Variants in UGGT2 observed in about 807,000 individuals in gnomAD.
UGGT2 encodes the protein UDP-glucose:glycoprotein glucosyltransferase 2.
Under a neutral mutation model 192.1 loss-of-function variants are expected in UGGT2, and 180 were observed. The ratio of observed to expected loss-of-function variants is 0.94; its 90% CI spans 0.83 to 1.06. UGGT2 has a LOEUF of 1.06. UGGT2 is among the 50% of genes least tolerant of loss of function. UGGT2 has a pLI of 0.00. For missense variants in UGGT2, 1,849 were observed against 1,795.7 expected, an observed-to-expected ratio of 1.03 and a Z score of -0.54; for synonymous variants, 580 against 591.0, an observed-to-expected ratio of 0.98 and a Z score of 0.27.
At chr13:95,885,531 TA>T (rs1423603140) in intron 26 of UGGT2, among the ~76,000 whole-genome samples, 2 of 152,182 alleles carry the variant, frequency 1.3e-5, no homozygotes, top group African/African-American at 2.4e-5. Flanking sequence ...CAGTCTTTCA[TA>T]ACCTAATTGC....
intron 36 of UGGT2, among the ~76,000 whole-genome samples, chr13:95,841,123 A>G (rs1315792420): frequency 1.3e-5 from 2 of 152,146 alleles, no homozygotes; most frequent in Non-Finnish European, 2.9e-5. Context: ...CCTAGATGAC[A>G]GGTTGATAGG....
At chr13:95,827,044 T>G (rs139286647) in intron 38 of UGGT2, among the ~76,000 whole-genome samples, 170 of 152,228 alleles carry the variant, frequency 1.1e-3, no homozygotes, top group African/African-American at 3.9e-3. Flanking sequence ...ATCCTAATAT[T>G]GGAATTTAAT....
At chr13:96,028,078 A>G (rs1466587311) in intron 2 of UGGT2, among the ~76,000 whole-genome samples, 2 of 152,176 alleles carry the variant, frequency 1.3e-5, no homozygotes, top group African/African-American at 4.8e-5. Flanking sequence ...GCACTATTTT[A>G]TTCTCATTCT....
At chr13:95,929,999 CTTTTGG>C (rs1017302569) in intron 17 of UGGT2, among the ~76,000 whole-genome samples, 2 of 152,124 alleles carry the variant, frequency 1.3e-5, no homozygotes, top group Non-Finnish European at 2.9e-5. Context: ...ATGGTGTCTC[CTTTTGG>C]TTTTGATTTG....
chr13:96,025,742 T>C (rs1263625570), intron 2 of UGGT2, among the ~76,000 whole-genome samples: 1 of 151,846 alleles, frequency 6.6e-6, no homozygotes, highest in Non-Finnish European at 1.5e-5. Flanking sequence ...GACAAAAAGC[T>C]CAGAAATGAG....
chr13:95,964,310 A>ATCC (rs2050497864), intron 12 of UGGT2, among the ~76,000 whole-genome samples: 1 of 152,198 alleles, frequency 6.6e-6, no homozygotes, highest in Non-Finnish European at 1.5e-5. Context: ...CATGTACAGA[A>ATCC]ATCAACTCAA....
At chr13:95,957,913 G>C (rs1236858612) in intron 12 of UGGT2, among the ~76,000 whole-genome samples, 1 of 152,152 alleles carries the variant, frequency 6.6e-6, no homozygotes, top group Non-Finnish European at 1.5e-5. Context: ...TTTTAGAAAA[G>C]ACATCTGCTA....
chr13:95,965,389 C>T (rs770160851), intron 12 of UGGT2, among the ~76,000 whole-genome samples: 3,525 of 151,440 alleles, frequency 0.023, 49 homozygotes, highest in Non-Finnish European at 0.037. Context: ...GGCACATATA[C>T]ACCATGGAAT....
intron 26 of UGGT2, among the ~76,000 whole-genome samples, chr13:95,885,158 T>G (rs527634514): frequency 1.3e-5 from 2 of 152,372 alleles, no homozygotes; most frequent in South Asian, 4.1e-4. Flanking sequence ...AGGATTAAGT[T>G]GAAAGCAACT....
chr13:95,937,212 T>C, intron 16 of UGGT2, 124 bp from the exon 17 acceptor site: 4 of 1,137,968 alleles, frequency 3.5e-6, no homozygotes, highest in Non-Finnish European at 1.2e-6. Flanking sequence ...TTGCTAACTT[T>C]ATCTGTCCTT....
At chr13:95,828,991 C>A (rs528191617) in intron 38 of UGGT2, among the ~76,000 whole-genome samples, 1 of 152,124 alleles carries the variant, frequency 6.6e-6, no homozygotes, top group Non-Finnish European at 1.5e-5. Flanking sequence ...GGGTTTCATC[C>A]CTGGAATGCA....
intron 36 of UGGT2, among the ~76,000 whole-genome samples, chr13:95,848,127 C>T (rs1888660773): frequency 6.6e-6 from 1 of 152,134 alleles, no homozygotes; most frequent in African/African-American, 2.4e-5. Context: ...CTGTTAAGGT[C>T]TTTGATCCAT....
chr13:95,819,775 A>C (rs978503125), intron 38 of UGGT2, among the ~76,000 whole-genome samples: 1 of 152,238 alleles, frequency 6.6e-6, no homozygotes, highest in Non-Finnish European at 1.5e-5. Flanking sequence ...TACAACTCTT[A>C]GGTCAAAGGG....
intron 29 of UGGT2, among the ~76,000 whole-genome samples, chr13:95,868,208 T>C (rs571246000): frequency 6.6e-6 from 1 of 152,202 alleles, no homozygotes; most frequent in Non-Finnish European, 1.5e-5. Context: ...CTATCATGAC[T>C]GACACGTCTT....
At chr13:95,960,769 A>C (rs1467712753) in intron 12 of UGGT2, among the ~76,000 whole-genome samples, 1 of 152,198 alleles carries the variant, frequency 6.6e-6, no homozygotes, top group Admixed American at 6.5e-5. Flanking sequence ...ATTTAAAGAG[A>C]AAGAGAGATT....
At position 95,972,677 on chromosome 13, in the gene UGGT2, A is replaced by C. The variant is rs752049334; in HGVS notation, c.1093-6T>G. 3.1e-6 allele frequency: 5 copies of C among 1,607,488 alleles called. No individual in the cohort carries two copies. The highest frequency in any genetic ancestry group is 4.3e-6 in the Non-Finnish European group (5 of 1,174,296). ...TTAAATCTAACTTGAAGATCCTTGAAGTAGAGCAAAGCAATAGTTAACCAG... is the reference window on the plus strand; with the variant it reads ...TTAAATCTAACTTGAAGATCCTTGACGTAGAGCAAAGCAATAGTTAACCAG... On this transcript the variant is annotated splice_polypyrimidine_tract_variant and splice_region_variant and intron_variant, in intron 10 of 38. Coordinates refer to ENST00000376747, the MANE Select transcript of UGGT2 (RefSeq NM_020121.4).
At position 96,052,567 on chromosome 13, in the gene UGGT2, C is replaced by T. The variant is rs149759665; in HGVS notation, c.158+588G>A. Among the ~76,000 whole-genome samples the T allele has an allele frequency of 5.1e-3, 775 of 152,250 alleles. 11 individuals are homozygous for T. Among genetic ancestry groups the T allele is most frequent in the African/African-American group, 0.018 (744 of 41,538 alleles). On this transcript the variant is annotated intron_variant, in intron 1 of 38. Coordinates refer to ENST00000376747, the MANE Select transcript of UGGT2 (RefSeq NM_020121.4). ...CACACACTGTTGCTGTGGTGAACAG[C>T]CATTAAGTCATTGGTGTAAAACTTC...
At chr13:96,050,140 C>T (rs2053442220) in intron 1 of UGGT2, among the ~76,000 whole-genome samples, 1 of 152,094 alleles carries the variant, frequency 6.6e-6, no homozygotes, top group African/African-American at 2.4e-5. Context: ...AGATATAGAC[C>T]AATGGAACAG....
chr13:95,916,016 C>T (rs898282206), intron 20 of UGGT2, among the ~76,000 whole-genome samples: 2 of 152,168 alleles, frequency 1.3e-5, no homozygotes, highest in African/African-American at 2.4e-5. Context: ...AGAAATGATC[C>T]ACCCCAACAC....
Sources: gnomAD v4.1 joint callset for allele counts (sites outside exome capture counted in the v4.1 genomes callset) on GRCh38, gnomAD v4.1.1 for gene constraint, MANE v1.5 for transcripts, NCBI Gene and HGNC (gene_info 2026-07-23, HGNC 2026-07-21) for gene names.